The following CAST variants were observed in gnomAD, a reference collection of about 807,000 sequenced individuals.
The protein encoded by CAST is MIR583 host.
A neutral mutation model predicts 119.6 loss-of-function variants in CAST; 76 were observed. The observed-to-expected ratio is 0.64, with a 90% CI of 0.53 to 0.77. The LOEUF (loss-of-function observed/expected upper bound fraction) is 0.77. Among genes scored for constraint, CAST ranks in the 30% least tolerant of loss-of-function variants. The pLI is 0.00. For missense variants in CAST, 953 were observed against 946.5 expected (o/e 1.01, Z -0.09); for synonymous variants, 319 against 331.6 (o/e 0.96, Z 0.41).
At chr5:96,719,817 C>T (rs1291268527) in intron 3 of CAST, among the ~76,000 whole-genome samples, 2 of 152,208 alleles carry the variant, frequency 1.3e-5, no homozygotes, top group Non-Finnish European at 2.9e-5. Context: ...GCCAAGCTCC[C>T]AGGCCTGGCG....
chr5:96,340,334 G>T, the CAST span, among the ~76,000 whole-genome samples: 1 of 151,992 alleles, frequency 6.6e-6, no homozygotes, highest in African/African-American at 2.4e-5. Flanking sequence ...AAAGCAGCTC[G>T]CCCCTTCTGC....
the CAST span, among the ~76,000 whole-genome samples, chr5:96,320,225 T>C: frequency 6.9e-6 from 1 of 145,234 alleles, no homozygotes; most frequent in Non-Finnish European, 1.5e-5. Context: ...GGAAAGGCTT[T>C]TGCTTTTTTT....
upstream of CAST, among the ~76,000 whole-genome samples, chr5:96,521,977 G>T (rs184550919): frequency 6.6e-6 from 1 of 152,090 alleles, no homozygotes; most frequent in African/African-American, 2.4e-5. Context: ...TTAGCCAGGC[G>T]TGGTGGCGGG....
At chr5:96,438,253 GA>G in the CAST span, among the ~76,000 whole-genome samples, 1 of 152,048 alleles carries the variant, frequency 6.6e-6, no homozygotes, top group Admixed American at 6.6e-5. Context: ...AGAAAATTAA[GA>G]AAAAACAGTA....
chr5:96,674,881 C>A (rs1437039732), intron 1 of CAST, among the ~76,000 whole-genome samples: 6 of 152,158 alleles, frequency 3.9e-5, no homozygotes, highest in Non-Finnish European at 8.8e-5. Context: ...CTGATTTGAT[C>A]ATTACCCAAT....
chr5:96,519,822 G>A, the CAST span, among the ~76,000 whole-genome samples: 2 of 152,112 alleles, frequency 1.3e-5, no homozygotes, highest in Non-Finnish European at 2.9e-5. Flanking sequence ...GGCCAGCCTG[G>A]TCTCAAACTC....
chr5:96,641,699 C>T (rs894217209), intron 1 of CAST, among the ~76,000 whole-genome samples: 12 of 152,158 alleles, frequency 7.9e-5, no homozygotes, highest in Non-Finnish European at 1.0e-4. Context: ...TGCCTCTGCT[C>T]ATTTACCCTC....
the CAST span, among the ~76,000 whole-genome samples, chr5:96,074,281 C>T: frequency 1.3e-5 from 2 of 152,104 alleles, no homozygotes; most frequent in Admixed American, 1.3e-4. Flanking sequence ...CTTCAAAATA[C>T]GTATGTTGAA....
the CAST span, among the ~76,000 whole-genome samples, chr5:96,266,721 A>G: frequency 1.3e-5 from 2 of 152,216 alleles, no homozygotes; most frequent in East Asian, 1.9e-4. Flanking sequence ...CAAGCCAGAC[A>G]GAAGACTGAA....
chr5:96,440,758 G>A, the CAST span, among the ~76,000 whole-genome samples: 1 of 152,168 alleles, frequency 6.6e-6, no homozygotes, highest in Admixed American at 6.5e-5. Flanking sequence ...GTATTTCATG[G>A]GTGCAATGGT....
chr5:96,665,137 G>A (rs1749154532), intron 1 of CAST, among the ~76,000 whole-genome samples: 1 of 152,116 alleles, frequency 6.6e-6, no homozygotes, highest in Non-Finnish European at 1.5e-5. Flanking sequence ...GAACTTCCTA[G>A]AACCAGCTAC....
the CAST span, among the ~76,000 whole-genome samples, chr5:96,486,708 G>T: frequency 1.3e-5 from 2 of 151,760 alleles, no homozygotes; most frequent in African/African-American, 2.4e-5. Flanking sequence ...TTTGTGTTGG[G>T]GGGGCAGATT....
At chr5:96,376,797 G>A in the CAST span, among the ~76,000 whole-genome samples, 1 of 152,104 alleles carries the variant, frequency 6.6e-6, no homozygotes, top group African/African-American at 2.4e-5. Context: ...TATAAAAAGA[G>A]TTAACTGTAA....
chr5:96,608,089 G>A (rs779396752), intron 1 of CAST, among the ~76,000 whole-genome samples: 14 of 151,982 alleles, frequency 9.2e-5, no homozygotes, highest in Non-Finnish European at 1.5e-4. Flanking sequence ...TGTACCCTTC[G>A]ACCAACATCT....
intron 2 of CAST, among the ~76,000 whole-genome samples, chr5:96,680,990 C>CT (rs1347724894): frequency 6.6e-6 from 1 of 152,238 alleles, no homozygotes; most frequent in Non-Finnish European, 1.5e-5. Context: ...ATATCTAGCC[C>CT]CAAGAGGCCA....
chr5:96,498,821 C>G, the CAST span, among the ~76,000 whole-genome samples: 2 of 152,116 alleles, frequency 1.3e-5, no homozygotes, highest in Non-Finnish European at 2.9e-5. Flanking sequence ...GCCTCCAGGT[C>G]CAAGGCTACA....
the CAST span, among the ~76,000 whole-genome samples, chr5:96,354,722 TATAAG>T: frequency 1.3e-5 from 2 of 148,998 alleles, no homozygotes; most frequent in East Asian, 3.9e-4. Flanking sequence ...AAATATAATA[TATAAG>T]ATGTTATGCA....
the CAST span, among the ~76,000 whole-genome samples, chr5:96,419,400 A>G: frequency 2.7e-5 from 4 of 146,988 alleles, no homozygotes; most frequent in Admixed American, 6.8e-5. Flanking sequence ...ATATATATAT[A>G]AACTCACTTA....
At chr5:96,534,952 A>AGG (rs1231428809) in intron 1 of CAST, among the ~76,000 whole-genome samples, 23 of 141,406 alleles carry the variant, frequency 1.6e-4, no homozygotes, top group Non-Finnish European at 4.7e-5. Flanking sequence ...AGAAAGGGAA[A>AGG]GAAAGAAAGA....
Sources: allele counts gnomAD v4.1 joint callset (sites outside exome capture counted in the v4.1 genomes callset), GRCh38; gene constraint gnomAD v4.1.1; transcripts MANE v1.5; gene names NCBI Gene and HGNC (gene_info 2026-07-23, HGNC 2026-07-21).